Variants in PBX3 observed in about 807,000 individuals in gnomAD.
The protein encoded by PBX3 is PBX homeobox 3.
A neutral mutation model predicts 48.5 loss-of-function variants in PBX3; 14 were observed. The observed-to-expected ratio is 0.29, with a 90% CI of 0.19 to 0.45. The LOEUF (loss-of-function observed/expected upper bound fraction) is 0.45, where lower values mean the gene tolerates loss of function less well. PBX3 is among the 20% of genes least tolerant of loss of function. PBX3 has a pLI of 1.00. For missense variants in PBX3, 386 were observed against 546.7 expected, an observed-to-expected ratio of 0.71 and a Z score of 2.93; for synonymous variants, 210 against 200.3, an observed-to-expected ratio of 1.05 and a Z score of -0.41.
At chr9:125,793,365 AAATATATATAT>A (rs199989698) in intron 2 of PBX3, among the ~76,000 whole-genome samples, 2,665 of 95,566 alleles carry the variant, frequency 0.028, 196 homozygotes, top group East Asian at 0.23. Context: ...GGGAAAAAAA[AAATATATATAT>A]ATATATATAT....
chr9:125,959,116 A>G (rs1171870914), intron 5 of PBX3, among the ~76,000 whole-genome samples: 2 of 152,216 alleles, frequency 1.3e-5, no homozygotes, highest in African/African-American at 4.8e-5. Context: ...AGCCCTTGAA[A>G]TTGTTCACAT....
chr9:125,938,425 G>C (rs1841884849), intron 5 of PBX3, among the ~76,000 whole-genome samples: 1 of 152,038 alleles, frequency 6.6e-6, no homozygotes, highest in African/African-American at 2.4e-5. Flanking sequence ...TGAAGAACAT[G>C]GTCTTAAAGT....
chr9:125,859,528 A>G (rs1426848401), intron 2 of PBX3, among the ~76,000 whole-genome samples: 7 of 152,218 alleles, frequency 4.6e-5, no homozygotes, highest in Non-Finnish European at 1.0e-4. Flanking sequence ...TCAGGCAGTT[A>G]TTAATGTTTC....
intron 2 of PBX3, among the ~76,000 whole-genome samples, chr9:125,818,190 CT>C (rs11315091): frequency 1 from 151,511 of 151,520 alleles, 75,751 homozygotes; most frequent in Non-Finnish European, 1. Flanking sequence ...CAGAGCAAGC[CT>C]TTCGTCTCAA....
intron 2 of PBX3, among the ~76,000 whole-genome samples, chr9:125,809,564 A>T (rs1389051518): frequency 6.6e-6 from 1 of 152,152 alleles, no homozygotes; most frequent in Non-Finnish European, 1.5e-5. Flanking sequence ...GACAATTACC[A>T]TCTCAATTAA....
chr9:125,881,682 G>A (rs1840385593), intron 2 of PBX3, among the ~76,000 whole-genome samples: 1 of 151,980 alleles, frequency 6.6e-6, no homozygotes, highest in Non-Finnish European at 1.5e-5. Context: ...GTAGCAGTAG[G>A]ACAATAGTAG....
chr9:125,900,418 G>T (rs1017545833), intron 2 of PBX3, among the ~76,000 whole-genome samples: 1 of 151,346 alleles, frequency 6.6e-6, no homozygotes, highest in African/African-American at 2.4e-5. Flanking sequence ...TTTTGCTTGG[G>T]GTCTGAATAG....
chr9:125,841,965 A>G (rs993175732), intron 2 of PBX3, among the ~76,000 whole-genome samples: 5 of 152,156 alleles, frequency 3.3e-5, no homozygotes, highest in Non-Finnish European at 5.9e-5. Flanking sequence ...AATTTGAGTA[A>G]AAGACTATAT....
At position 125,841,972 on chromosome 9, in the gene PBX3, ATATTT is replaced by A. The variant is rs779061854; in HGVS notation, c.275-73710_275-73706del. ...AGATGAAAAATTTGAGTAAAAGACT[ATATTT>A]TATCTGAAATATGAGATGATTTTAT... On this transcript the variant is annotated intron_variant, in intron 2 of 8. Transcript: ENST00000373489. Among the ~76,000 whole-genome samples, 54 of 152,286 alleles carry A rather than the reference ATATTT, an allele frequency of 3.5e-4. 1 individual carries two copies. Among genetic ancestry groups the A allele is most frequent in the Middle Eastern group, 3.4e-3 (1 of 294 alleles).
At chr9:125,959,674 A>G (rs899153971) in intron 5 of PBX3, among the ~76,000 whole-genome samples, 4 of 152,190 alleles carry the variant, frequency 2.6e-5, no homozygotes, top group African/African-American at 7.2e-5. Context: ...GTTAAGTATA[A>G]TACCTTCAGG....
intron 2 of PBX3, among the ~76,000 whole-genome samples, chr9:125,830,143 A>AT (rs1463830922): frequency 6.6e-6 from 1 of 152,150 alleles, no homozygotes; most frequent in Admixed American, 6.5e-5. Context: ...CAAAAGCGTT[A>AT]TTTTTTGCTA....
At chr9:125,864,825 C>A (rs1450731511) in intron 2 of PBX3, among the ~76,000 whole-genome samples, 1 of 152,148 alleles carries the variant, frequency 6.6e-6, no homozygotes, top group South Asian at 2.1e-4. Context: ...GAACCAGCAC[C>A]GGTCCGTGAC....
chr9:125,843,835 G>T (rs1477386612), intron 2 of PBX3: 1 of 455,844 alleles, frequency 2.2e-6, no homozygotes, highest in African/African-American at 2.0e-5. Flanking sequence ...AAGCGAAAGT[G>T]CAGGCCTGCT....
chr9:125,909,020 T>C (rs958867357), intron 2 of PBX3, among the ~76,000 whole-genome samples: 1 of 152,134 alleles, frequency 6.6e-6, no homozygotes, highest in African/African-American at 2.4e-5. Flanking sequence ...CCTAGCCCTG[T>C]TCTCTTCTTG....
intron 2 of PBX3, among the ~76,000 whole-genome samples, chr9:125,758,595 C>T (rs1413319569): frequency 6.6e-6 from 1 of 152,114 alleles, no homozygotes; most frequent in African/African-American, 2.4e-5. Flanking sequence ...ATAAAGTTTT[C>T]CCTTTCAGTT....
chr9:125,944,850 G>A (rs12684131), intron 5 of PBX3, among the ~76,000 whole-genome samples: 3,313 of 152,236 alleles, frequency 0.022, 180 homozygotes, highest in East Asian at 0.17. Flanking sequence ...CTCCTCCCCA[G>A]TTTATTAGCT....
chr9:125,962,551 T>A (rs922929977), intron 7 of PBX3, among the ~76,000 whole-genome samples: 10 of 152,264 alleles, frequency 6.6e-5, no homozygotes, highest in African/African-American at 9.6e-5. Context: ...GTTTCATTTC[T>A]CAAGTCAGAG....
intron 3 of PBX3, among the ~76,000 whole-genome samples, chr9:125,918,369 G>T (rs1448791273): frequency 1.3e-5 from 2 of 151,006 alleles, no homozygotes; most frequent in Non-Finnish European, 3.0e-5. Context: ...AATCACCAGG[G>T]TTTTTTTTTA....
chr9:125,917,830 A>G (rs1340538945), intron 3 of PBX3, among the ~76,000 whole-genome samples: 1 of 152,210 alleles, frequency 6.6e-6, no homozygotes, highest in Non-Finnish European at 1.5e-5. Flanking sequence ...TCTGAGATCT[A>G]AAATTGTATG....
Sources: allele counts gnomAD v4.1 joint callset (sites outside exome capture counted in the v4.1 genomes callset), GRCh38; gene constraint gnomAD v4.1.1; transcripts MANE v1.5; gene names NCBI Gene and HGNC (gene_info 2026-07-23, HGNC 2026-07-21).